NDUFB9: variants seen among roughly 807,000 people sequenced by gnomAD.
NDUFB9 encodes the protein NADH dehydrogenase [ubiquinone] 1 beta subcomplex subunit 9.
In NDUFB9, 24 loss-of-function variants were observed where a neutral mutation model predicts 30.2. The observed-to-expected ratio is 0.80, with a 90% CI of 0.58 to 1.12. NDUFB9 has a LOEUF of 1.12. Among genes scored for constraint, NDUFB9 ranks in the 50% most tolerant of loss-of-function variants. The probability of loss-of-function intolerance (pLI) is 0.00; values close to 1 mark genes in which losing one functional copy is unlikely to be tolerated. For synonymous variants in NDUFB9, 80 were observed against 84.0 expected, an observed-to-expected ratio of 0.95 and a Z score of 0.26; for missense variants, 204 against 226.0, an observed-to-expected ratio of 0.90 and a Z score of 0.62.
intron 2 of NDUFB9, among the ~76,000 whole-genome samples, chr8:124,545,542 T>G (rs995397447): frequency 1.3e-5 from 2 of 152,228 alleles, no homozygotes. Context: ...CTTTTGTTTT[T>G]GTTTGGGAGA....
intron 3 of NDUFB9, among the ~76,000 whole-genome samples, chr8:124,548,873 G>A (rs754502645): frequency 1.3e-5 from 2 of 152,150 alleles, no homozygotes. Context: ...TTGGATAGTG[G>A]GATATTTGAA....
At chr8:124,540,345 A>G (rs1187725662) in intron 1 of NDUFB9, among the ~76,000 whole-genome samples, 4 of 152,228 alleles carry the variant, frequency 2.6e-5, no homozygotes, top group African/African-American at 9.6e-5. Flanking sequence ...TAGTAAATCC[A>G]TTTTTGAGCA....
chr8:124,543,303 C>T (rs1407569125), intron 2 of NDUFB9, 24 bp downstream of exon 2: 2 of 1,601,856 alleles, frequency 1.2e-6, no homozygotes, highest in Non-Finnish European at 1.7e-6. Context: ...ATGATGACTG[C>T]CTTCTGAGAA....
intron 1 of NDUFB9, among the ~76,000 whole-genome samples, chr8:124,540,396 C>G (rs957052211): frequency 6.6e-6 from 1 of 152,110 alleles, no homozygotes; most frequent in Admixed American, 6.6e-5. Context: ...GACATGTAAA[C>G]AAATCGATGA....
In NDUFB9 at chr8:124,539,227, A is replaced by C. The variant is rs1384366039; in HGVS notation, c.41A>C (p.Gln14Pro). ...LASGPYLTHQQKVLRLYKRAL... is the reference protein window; with the variant it reads ...LASGPYLTHQPKVLRLYKRAL... ...TCGGGACCCTACCTGACCCATCAGC[A>C]AAAGGTGTTGCGGCTTTATAAGCGG... The change falls in exon 1 of 4, where the codon CAA (glutamine) becomes CCA (proline). Residue 14 changes from glutamine (Q) to proline (P), a missense_variant. Gln to Pro is a moderately conservative substitution (Grantham distance 76, BLOSUM62 -1). Coordinates refer to ENST00000276689, the MANE Select transcript of NDUFB9 (RefSeq NM_005005.3). 6.2e-7 allele frequency: 1 copy of C among 1,614,192 alleles called. No homozygotes were observed. The highest frequency in any genetic ancestry group is 1.1e-5 in the South Asian group (1 of 91,088).
At chr8:124,548,769 C>G (rs911747229) in intron 3 of NDUFB9, among the ~76,000 whole-genome samples, 2 of 151,828 alleles carry the variant, frequency 1.3e-5, no homozygotes, top group Non-Finnish European at 2.9e-5. Flanking sequence ...GGGGCAGATG[C>G]AGAGAGGGAA....
intron 3 of NDUFB9, 164 bp downstream of exon 3, chr8:124,547,277 C>A: frequency 1.4e-6 from 1 of 702,666 alleles, no homozygotes; most frequent in South Asian, 1.5e-5. Context: ...TTATAATCAC[C>A]TTACAAGTAA....
Position 124,539,253 on chromosome 8 carries a change from G to T in NDUFB9, c.67G>T (p.Ala23Ser). ...AAAGGTGTTGCGGCTTTATAAGCGG[G>T]CGCTACGCCACCTCGAGTCGTGGTG... The part of the protein sequence containing the change: ...QQKVLRLYKR[A>S]LRHLESWCVQ... The change falls in exon 1 of 4, where the codon GCG becomes TCG. Residue 23 changes from alanine to serine, a missense_variant. Ala to Ser is a moderately conservative substitution (Grantham distance 99). Coordinates refer to ENST00000276689, the MANE Select transcript of NDUFB9 (RefSeq NM_005005.3). The T allele has an allele frequency of 3.1e-6, 5 of 1,614,240 alleles. No individual in the cohort carries two copies. Among genetic ancestry groups the T allele is most frequent in the Non-Finnish European group, 4.2e-6 (5 of 1,180,048 alleles).
Position 124,543,112 on chromosome 8 carries a change from T to C in NDUFB9, c.127T>C (p.Leu43=). ...AGACAAATACCGATACTTTGCTTGT[T>C]TGATGAGAGCCCGGTTTGAAGAACA... ...QRDKYRYFAC[L]MRARFEEHKN... Residue 43 remains leucine (L), a synonymous_variant, in exon 2 of 4, where the codon TTG becomes CTG. Transcript: ENST00000276689. 6.2e-7 allele frequency: 1 copy of C among 1,614,216 alleles called. No individual in the cohort carries two copies. The highest frequency in any genetic ancestry group is 1.1e-5 in the South Asian group (1 of 91,086).
At chr8:124,545,010 C>CA (rs1822120322) in intron 2 of NDUFB9, among the ~76,000 whole-genome samples, 1 of 152,142 alleles carries the variant, frequency 6.6e-6, no homozygotes, top group South Asian at 2.1e-4. Flanking sequence ...AAGACTTCAG[C>CA]AGAAGAAGTA....
chr8:124,547,173 C>G lies in NDUFB9; in HGVS notation c.408+60C>G, dbSNP rs747851188. On this transcript the variant is annotated intron_variant, in intron 3 of 3. Coordinates refer to ENST00000276689, the MANE Select transcript of NDUFB9 (RefSeq NM_005005.3). ...ATGTAGATGGAGTGAAGTTTTGCTC[C>G]CCACAAGCAGAGGTCCAGATTCCAG... 1.7e-5 allele frequency: 22 copies of G among 1,327,894 alleles called. No individual in the cohort carries two copies. The African/African-American group carries it at 3.0e-4, about 18-fold the overall frequency. The allele number at this position is 1,327,894 out of a possible 1,614,324, so 82.3% of individuals were successfully genotyped here.
rs34095749 is a variant in NDUFB9, at chr8:124,547,174, C to T, written c.408+61C>T. On this transcript the variant is annotated intron_variant, in intron 3 of 3. Transcript: ENST00000276689. ...TGTAGATGGAGTGAAGTTTTGCTCCCCACAAGCAGAGGTCCAGATTCCAGC... is the reference window on the plus strand; with the variant it reads ...TGTAGATGGAGTGAAGTTTTGCTCCTCACAAGCAGAGGTCCAGATTCCAGC... The T allele has an allele frequency of 0.046, 59,072 of 1,291,250 alleles. 1,768 individuals carry two copies. Among genetic ancestry groups the T allele is most frequent in the Non-Finnish European group, 0.054 (47,840 of 889,350 alleles). The allele number at this position is 1,291,250 out of a possible 1,614,324, so 80.0% of individuals were successfully genotyped here.
At chr8:124,545,730 A>G (rs7812331) in intron 2 of NDUFB9, among the ~76,000 whole-genome samples, 78,805 of 151,996 alleles carry the variant, frequency 0.52, 20,864 homozygotes, top group African/African-American at 0.61. Context: ...GAATCTTGCT[A>G]TGTTGTCCAG....
chr8:124,545,215 G>A (rs571569771), intron 2 of NDUFB9, among the ~76,000 whole-genome samples: 4 of 152,306 alleles, frequency 2.6e-5, no homozygotes, highest in Admixed American at 1.3e-4. Context: ...AAAGGACTTC[G>A]CATAGCACAT....
chr8:124,545,611 C>A (rs1822135588), intron 2 of NDUFB9, among the ~76,000 whole-genome samples: 1 of 152,068 alleles, frequency 6.6e-6, no homozygotes, highest in Non-Finnish European at 1.5e-5. Context: ...TCACTGCAGC[C>A]TGGATCCCCT....
rs541677596 is a variant in NDUFB9, at chr8:124,546,997, C to T, written c.295-3C>T. 1.0e-5 allele frequency: 16 copies of T among 1,603,638 alleles called. No individual in the cohort carries two copies. In the East Asian group the frequency reaches 3.3e-4, roughly 34 times the overall value. On this transcript the variant is annotated splice_region_variant and splice_polypyrimidine_tract_variant and intron_variant, in intron 2 of 3. Coordinates refer to ENST00000276689, the MANE Select transcript of NDUFB9 (RefSeq NM_005005.3). The stretch of plus-strand genomic sequence containing the variant: ...TTGATACCATGATTTCCTCTCCTGA[C>T]AGGTCCCAGAATGGTGCTTAGATGA...
intron 1 of NDUFB9, among the ~76,000 whole-genome samples, chr8:124,540,314 C>A (rs781523769): frequency 6.6e-6 from 1 of 152,144 alleles, no homozygotes; most frequent in African/African-American, 2.4e-5. Context: ...ATTCTATGCT[C>A]TATGCTAAAT....
chr8:124,541,645 C>G (rs1821993959), intron 1 of NDUFB9, among the ~76,000 whole-genome samples: 1 of 152,144 alleles, frequency 6.6e-6, no homozygotes, highest in Non-Finnish European at 1.5e-5. Context: ...CTTATGTTGC[C>G]CAGGCTGGAG....
rs746268822 is a variant in NDUFB9 at position 124,547,054 on chromosome 8, G to C, written c.349G>C (p.Asp117His). Reference sequence around the variant, plus strand: ...TCCTTCTGAGAAGGCAATGTATCCTGATTACTTTGCCAAGAGAGAACAGTG... The same window carrying C: ...TCCTTCTGAGAAGGCAATGTATCCTCATTACTTTGCCAAGAGAGAACAGTG... ...WHPSEKAMYP[D>H]YFAKREQWKK... The change falls in exon 3 of 4, where the codon GAT becomes CAT. Residue 117 changes from aspartate (D) to histidine (H), a missense_variant. Physicochemically the swap from Asp to His is moderately conservative, Grantham distance 81. Coordinates refer to ENST00000276689, the MANE Select transcript of NDUFB9 (RefSeq NM_005005.3). 44 of 1,613,400 alleles carry C rather than the reference G, an allele frequency of 2.7e-5. 1 individual carries two copies. The South Asian group carries it at 4.7e-4, about 17-fold the overall frequency.
Sources: allele counts gnomAD v4.1 joint callset (sites outside exome capture counted in the v4.1 genomes callset), GRCh38; gene constraint gnomAD v4.1.1; transcripts MANE v1.5; gene names NCBI Gene and HGNC (gene_info 2026-07-23, HGNC 2026-07-21).